BBS10: variants seen among roughly 807,000 people sequenced by gnomAD.
BBS10 encodes the protein BBSome complex assembly protein BBS10.
BBS10 carries 13 observed loss-of-function variants against 12.7 expected under a neutral mutation model. That is an observed-to-expected ratio of 1.03 (90% CI 0.67 to 1.63). The LOEUF is 1.63. BBS10 is among the 40% of genes most tolerant of loss of function. The probability of loss-of-function intolerance (pLI) is 0.00; values close to 1 mark genes in which losing one functional copy is unlikely to be tolerated. For synonymous variants in BBS10, 294 were observed against 304.8 expected (o/e 0.96, Z 0.37); for missense variants, 858 against 858.0 (o/e 1.00, Z 0.00).
At position 76,347,387 on chromosome 12, in the gene BBS10, TGAAAAA is replaced by T. The variant is rs1358267820; in HGVS notation, c.592_597del (p.Phe198_Phe199del). The T allele has an allele frequency of 1.9e-6, 3 of 1,614,046 alleles. No homozygotes were observed. Among genetic ancestry groups the T allele is most frequent in the Non-Finnish European group, 2.5e-6 (3 of 1,180,022 alleles). ...ATCCCACTTTTACAAGTCATACACT[TGAAAAA>T]GTAGTCACACATCAACTGTGAAATA... On this transcript the variant is annotated inframe_deletion, in exon 2 of 2. Coordinates refer to ENST00000650064, the MANE Select transcript of BBS10 (RefSeq NM_024685.4).
At position 76,346,223 on chromosome 12, in the gene BBS10, T is replaced by C; in HGVS notation, c.1762A>G (p.Ser588Gly). ...GCTGGCATAGATGAGGAAAGGTAAC[T>C]CTGGGAAGTACCCATATTCGGTAAC... ...CKLPNMGTSQ[S>G]YLSSSMPAGC... Residue 588 changes from serine (S) to glycine (G), a missense_variant, in exon 2 of 2, where the codon AGT (serine) becomes GGT (glycine). Transcript: ENST00000650064. The C allele has an allele frequency of 6.2e-7, 1 of 1,611,966 alleles. No homozygotes were observed. The highest frequency in any genetic ancestry group is 8.5e-7 in the Non-Finnish European group (1 of 1,179,200).
chr12:76,345,673 T>C lies in BBS10; in HGVS notation c.*140A>G. ...AATATTTGTATCTGGTCTGGTGACC[T>C]TAGTGTGCTTCTTCTAAAGACTTTT... On this transcript the variant is annotated 3_prime_UTR_variant, in exon 2 of 2. Transcript: ENST00000650064. 1.3e-6 allele frequency: 1 copy of C among 760,690 alleles called. No individual in the cohort carries two copies. The highest frequency in any genetic ancestry group is 2.7e-5 in the East Asian group (1 of 37,082). 47.1% of individuals were successfully genotyped at this position (760,690 alleles called of 1,614,324 possible).
chr12:76,345,477 G>C lies in BBS10; in HGVS notation c.*336C>G, dbSNP rs534682771. The C allele has an allele frequency of 4.0e-6, 1 of 251,118 alleles. No homozygotes were observed. Among genetic ancestry groups the C allele is most frequent in the South Asian group, 5.6e-5 (1 of 17,798 alleles). The allele number at this position is 251,118 out of a possible 1,614,324, so 15.6% of individuals were successfully genotyped here. On this transcript the variant is annotated 3_prime_UTR_variant, in exon 2 of 2. Coordinates refer to ENST00000650064, the MANE Select transcript of BBS10 (RefSeq NM_024685.4). ...GAACTAAACATGTAACGATGAAGGA[G>C]GGCTGGAGTGAAAAAGATACAGGAG...
chr12:76,345,505 T>G lies in BBS10; in HGVS notation c.*308A>C. 1 of 291,540 alleles carries G rather than the reference T, an allele frequency of 3.4e-6. No individual in the cohort carries two copies. Among genetic ancestry groups the G allele is most frequent in the Non-Finnish European group, 6.6e-6 (1 of 150,730 alleles). 18.1% of individuals were successfully genotyped at this position (291,540 alleles called of 1,614,324 possible). A position where few individuals can be genotyped will look rare whatever the true frequency, so the allele number is the denominator to read the frequency against. ...CTGGAGTGAAAAAGATACAGGAGAG[T>G]AAAAAGGAGCTATAAAGAAAAACCC... On this transcript the variant is annotated 3_prime_UTR_variant, in exon 2 of 2. Transcript: ENST00000650064.
chr12:76,347,014 C>T lies in BBS10; in HGVS notation c.971G>A (p.Gly324Glu), dbSNP rs1361435325. Residue 324 changes from glycine (G) to glutamate (E), a missense_variant, in exon 2 of 2, where the codon GGG (glycine) becomes GAG (glutamate). Transcript: ENST00000650064. The part of the protein sequence containing the change: ...KQPDLVSYYA[G>E]VNGISVVECL... Reference sequence around the variant, plus strand: ...CTCAACCACTGATATGCCATTCACCCCTGCATAATAACTAACTAAATCTGG... The same window carrying T: ...CTCAACCACTGATATGCCATTCACCTCTGCATAATAACTAACTAAATCTGG... The T allele has an allele frequency of 6.2e-7, 1 of 1,612,450 alleles. No individual in the cohort carries two copies. The highest frequency in any genetic ancestry group is 8.5e-7 in the Non-Finnish European group (1 of 1,179,966).
chr12:76,346,021 G>A lies in BBS10; in HGVS notation c.1964C>T (p.Pro655Leu), dbSNP rs138456137. 8 of 1,613,812 alleles carry A rather than the reference G, an allele frequency of 5.0e-6. No homozygotes were observed. The African/African-American group carries it at 9.3e-5, about 19-fold the overall frequency. ...YKSKTGKYSF[P>L]HTYIRAVHAL... Reference sequence around the variant, plus strand: ...ATGGACAGCTCTTATATATGTATGTGGAAAGCTGTACTTTCCTGTTTTAGA... The same window carrying A: ...ATGGACAGCTCTTATATATGTATGTAGAAAGCTGTACTTTCCTGTTTTAGA... Residue 655 changes from proline (P) to leucine (L), a missense_variant, in exon 2 of 2, where the codon CCA becomes CTA. Transcript: ENST00000650064.
rs551803123 is a variant in BBS10, at chr12:76,346,911, C to T, written c.1074G>A (p.Ser358=). The T allele has an allele frequency of 2.2e-5, 36 of 1,612,516 alleles. 1 individual carries two copies. The East Asian group carries it at 7.1e-4, about 32-fold the overall frequency. The change falls in exon 2 of 2, where the codon TCG becomes TCA. Residue 358 remains serine (S), a synonymous_variant. Transcript: ENST00000650064. Reference sequence around the variant, plus strand: ...AAGCAGTGTTAGGTATTTCACACTGCGAAAAGGCCTGTGGTGGTACAAATG... The same window carrying T: ...AAGCAGTGTTAGGTATTTCACACTGTGAAAAGGCCTGTGGTGGTACAAATG... ...LSPFVPPQAF[S]QCEIPNTALV...
intron 1 of BBS10, 84 bp downstream of exon 1, chr12:76,348,078 A>T: frequency 6.9e-7 from 1 of 1,445,484 alleles, no homozygotes; most frequent in Non-Finnish European, 9.4e-7. Context: ...CTTTCTAAGT[A>T]CGCATCGCCT....
chr12:76,346,662 G>A lies in BBS10; in HGVS notation c.1323C>T (p.Gly441=), dbSNP rs1951761273. Residue 441 remains glycine (G), a synonymous_variant, in exon 2 of 2, where the codon GGC becomes GGT. Transcript: ENST00000650064. ...TCTTATAAATAAAAAGACTTGAAGT[G>A]CCATTTTGGTCATTGGTTTGTGTCA... is the stretch of plus-strand genomic sequence containing the variant. ...NYMTQTNDQN[G]TSSLFIYKNS... 2 of 1,614,004 alleles carry A rather than the reference G, an allele frequency of 1.2e-6. No individual in the cohort carries two copies. The highest frequency in any genetic ancestry group is 4.5e-5 in the East Asian group (2 of 44,870).
Position 76,346,031 on chromosome 12 carries a change from A to G in BBS10, c.1954T>C (p.Tyr652His), listed in dbSNP as rs753778677. The change falls in exon 2 of 2, where the codon TAC becomes CAC. Residue 652 changes from tyrosine (Y) to histidine (H), a missense_variant. Physicochemically the swap from Tyr to His is moderately conservative, Grantham distance 83. Coordinates refer to ENST00000650064, the MANE Select transcript of BBS10 (RefSeq NM_024685.4). ...KVLYKSKTGK[Y>H]SFPHTYIRAV... is the part of the protein sequence containing the mutation. ...CTTATATATGTATGTGGAAAGCTGT[A>G]CTTTCCTGTTTTAGATTTATAAAGG... 1.9e-6 allele frequency: 3 copies of G among 1,613,902 alleles called. No individual in the cohort carries two copies. In the East Asian group the frequency reaches 6.7e-5, roughly 36 times the overall value.
Position 76,347,020 on chromosome 12 carries a change from T to C in BBS10, c.965A>G (p.Tyr322Cys), listed in dbSNP as rs750780350. 1 of 1,612,834 alleles carries C rather than the reference T, an allele frequency of 6.2e-7. No individual in the cohort carries two copies. ...CACTGATATGCCATTCACCCCTGCATAATAACTAACTAAATCTGGTTGTTT... is the reference window on the plus strand; with the variant it reads ...CACTGATATGCCATTCACCCCTGCACAATAACTAACTAAATCTGGTTGTTT... The part of the protein sequence containing the change: ...SVKQPDLVSY[Y>C]AGVNGISVVE... The change falls in exon 2 of 2, where the codon TAT (tyrosine) becomes TGT (cysteine). Residue 322 changes from tyrosine to cysteine, a missense_variant. Transcript: ENST00000650064.
intron 1 of BBS10, 35 bp downstream of exon 1, chr12:76,348,127 G>C (rs1250192754): frequency 6.3e-7 from 1 of 1,580,288 alleles, no homozygotes; most frequent in African/African-American, 1.3e-5. Context: ...TGCCTGGGGT[G>C]CCCGGCTACG....
In BBS10 at chr12:76,345,016, G is replaced by C. The variant is rs1465637794; in HGVS notation, c.*797C>G. ...ACTGTGGAACTCTGGCTATGCACCA[G>C]ATACAAGAAAAACCAGTAAATACAT... On this transcript the variant is annotated 3_prime_UTR_variant, in exon 2 of 2. Coordinates refer to ENST00000650064, the MANE Select transcript of BBS10 (RefSeq NM_024685.4). 1 of 152,132 alleles carries C rather than the reference G, an allele frequency of 6.6e-6. No individual in the cohort carries two copies. Among genetic ancestry groups the C allele is most frequent in the Non-Finnish European group, 1.5e-5 (1 of 67,972 alleles). 9.4% of individuals were successfully genotyped at this position (152,132 alleles called of 1,614,324 possible).
chr12:76,346,841 C>A lies in BBS10; in HGVS notation c.1144G>T (p.Val382Phe), dbSNP rs775492103. ...CATGTGCTTATCAAGCCTAGATGAA[C>A]ATATCTTTTGGATCTAAGGATAAGA... ...KPLILRSKRY[V>F]HLGLISTCAF... The change falls in exon 2 of 2, where the codon GTT (valine) becomes TTT (phenylalanine). Residue 382 changes from valine to phenylalanine, a missense_variant. Transcript: ENST00000650064. 1.2e-6 allele frequency: 2 copies of A among 1,613,924 alleles called. No individual in the cohort carries two copies. The highest frequency in any genetic ancestry group is 1.3e-5 in the African/African-American group (1 of 74,916).
Position 76,345,687 on chromosome 12 carries a change from C to T in BBS10, c.*126G>A, listed in dbSNP as rs1951752131. The T allele has an allele frequency of 4.6e-6, 4 of 871,784 alleles. No individual in the cohort carries two copies. Among genetic ancestry groups the T allele is most frequent in the Non-Finnish European group, 5.5e-6 (3 of 544,312 alleles). The allele number at this position is 871,784 out of a possible 1,614,324, so 54.0% of individuals were successfully genotyped here. Reference sequence around the variant, plus strand: ...GTCTGGTGACCTTAGTGTGCTTCTTCTAAAGACTTTTAAAGTTACGCTATT... The same window carrying T: ...GTCTGGTGACCTTAGTGTGCTTCTTTTAAAGACTTTTAAAGTTACGCTATT... On this transcript the variant is annotated 3_prime_UTR_variant, in exon 2 of 2. Coordinates refer to ENST00000650064, the MANE Select transcript of BBS10 (RefSeq NM_024685.4).
chr12:76,348,348 G>T lies in BBS10; in HGVS notation c.11C>A (p.Ser4Tyr). The T allele has an allele frequency of 6.3e-7, 1 of 1,591,668 alleles. No homozygotes were observed. Among genetic ancestry groups the T allele is most frequent in the Non-Finnish European group, 8.6e-7 (1 of 1,168,648 alleles). The change falls in exon 1 of 2, where the codon TCT (serine) becomes TAT (tyrosine). Residue 4 changes from serine (S) to tyrosine (Y), a missense_variant. Transcript: ENST00000650064. ...CTTCACAGACCCTGCAGCGGCCATA[G>T]AACTTAACATATCTGGGCCGCTTCC... MLSSMAAAGSVKAA... is the reference protein window; with the variant it reads MLSYMAAAGSVKAA...
In BBS10 at chr12:76,346,051, T is replaced by C; in HGVS notation, c.1934A>G (p.Tyr645Cys). The change falls in exon 2 of 2, where the codon TAT becomes TGT. Residue 645 changes from tyrosine to cysteine, a missense_variant. Tyr to Cys is a radical substitution (Grantham distance 194). Transcript: ENST00000650064. ...NALLGIPKVL[Y>C]KSKTGKYSFP... ...GCTGTACTTTCCTGTTTTAGATTTA[T>C]AAAGGACTTTGGGAATGCCTAAAAG... is the stretch of plus-strand genomic sequence containing the variant. 1.2e-6 allele frequency: 2 copies of C among 1,613,942 alleles called. No homozygotes were observed. Among genetic ancestry groups the C allele is most frequent in the East Asian group, 2.2e-5 (1 of 44,868 alleles).
chr12:76,346,930 A>C lies in BBS10; in HGVS notation c.1055T>G (p.Val352Gly). The change falls in exon 2 of 2, where the codon GTA (valine) becomes GGA (glycine). Residue 352 changes from valine to glycine, a missense_variant. Val to Gly is a moderately radical substitution (Grantham distance 109). Coordinates refer to ENST00000650064, the MANE Select transcript of BBS10 (RefSeq NM_024685.4). ...IRRIIGLSPF[V>G]PPQAFSQCEI... The stretch of plus-strand genomic sequence containing the variant: ...ACACTGCGAAAAGGCCTGTGGTGGT[A>C]CAAATGGAGAAAGACCAATGATCCT... 6.2e-7 allele frequency: 1 copy of C among 1,611,728 alleles called. No individual in the cohort carries two copies. Among genetic ancestry groups the C allele is most frequent in the Non-Finnish European group, 8.5e-7 (1 of 1,180,014 alleles).
intron 1 of BBS10, 44 bp downstream of exon 1, chr12:76,348,118 G>T: frequency 3.8e-6 from 6 of 1,571,932 alleles, no homozygotes; most frequent in Non-Finnish European, 5.2e-6. Flanking sequence ...CACAGAGGCT[G>T]CCTGGGGTGC....
Sources: allele counts gnomAD v4.1 joint callset, GRCh38; gene constraint gnomAD v4.1.1; transcripts MANE v1.5; gene names NCBI Gene and HGNC (gene_info 2026-07-23, HGNC 2026-07-21).